Variants in HEMK2 observed in about 807,000 individuals in gnomAD.
HEMK2 encodes methyltransferase HEMK2.
At chr21:28,722,839 G>A in the HEMK2 span, among the ~76,000 whole-genome samples, 10,836 of 152,130 alleles carry the variant, frequency 0.071, 637 homozygotes, top group East Asian at 0.22. Context: ...AGCCAAGGTC[G>A]CGCCATTGCA....
chr21:28,751,215 A>G, the HEMK2 span, among the ~76,000 whole-genome samples: 9 of 131,806 alleles, frequency 6.8e-5, no homozygotes, highest in Non-Finnish European at 1.3e-4. Flanking sequence ...TGGGTGACAG[A>G]GCAACACTCT....
chr21:28,860,272 C>G, the HEMK2 span, among the ~76,000 whole-genome samples: 1 of 152,048 alleles, frequency 6.6e-6, no homozygotes, highest in South Asian at 2.1e-4. Flanking sequence ...AGAGACTGGC[C>G]TAGCCTCCCA....
At chr21:28,798,347 G>A in the HEMK2 span, among the ~76,000 whole-genome samples, 1 of 152,074 alleles carries the variant, frequency 6.6e-6, no homozygotes, top group Non-Finnish European at 1.5e-5. Flanking sequence ...GTGGCCTGGG[G>A]CAATTTAATT....
At chr21:28,781,735 T>C in the HEMK2 span, among the ~76,000 whole-genome samples, 1 of 152,226 alleles carries the variant, frequency 6.6e-6, no homozygotes, top group Non-Finnish European at 1.5e-5. Context: ...CCAGAGTTTA[T>C]ATTGGGAGTC....
At chr21:28,576,761 A>C in the HEMK2 span, among the ~76,000 whole-genome samples, 1 of 152,056 alleles carries the variant, frequency 6.6e-6, no homozygotes, top group South Asian at 2.1e-4. Context: ...CCCAGGCTGG[A>C]GTACAATGGT....
chr21:28,868,666 A>G, the HEMK2 span, among the ~76,000 whole-genome samples: 1 of 152,224 alleles, frequency 6.6e-6, no homozygotes, highest in African/African-American at 2.4e-5. Flanking sequence ...CCTGGGTGAC[A>G]GAGCAAGACC....
the HEMK2 span, among the ~76,000 whole-genome samples, chr21:28,789,741 C>T: frequency 6.6e-6 from 1 of 152,132 alleles, no homozygotes; most frequent in Admixed American, 6.5e-5. Context: ...CTTGCTTCAG[C>T]CTCTAACGGG....
the HEMK2 span, chr21:28,577,508 G>A: frequency 6.6e-6 from 1 of 152,106 alleles, no homozygotes; most frequent in Non-Finnish European, 1.5e-5. Context: ...TTTGCAATAA[G>A]CATTGATATT....
chr21:28,796,026 T>G, the HEMK2 span, among the ~76,000 whole-genome samples: 2 of 152,238 alleles, frequency 1.3e-5, no homozygotes, highest in African/African-American at 4.8e-5. Context: ...CCTCCTGTTT[T>G]CTCTGAAAAC....
the HEMK2 span, among the ~76,000 whole-genome samples, chr21:28,769,608 T>A: frequency 2.6e-5 from 4 of 152,136 alleles, no homozygotes; most frequent in Non-Finnish European, 5.9e-5. Context: ...CCTCTGAATT[T>A]AAGTATTTCC....
At chr21:28,849,086 C>T in the HEMK2 span, among the ~76,000 whole-genome samples, 1 of 152,200 alleles carries the variant, frequency 6.6e-6, no homozygotes, top group African/African-American at 2.4e-5. Flanking sequence ...GCTTTGGCTA[C>T]GACCACCCAT....
At chr21:28,847,142 G>A in the HEMK2 span, among the ~76,000 whole-genome samples, 3 of 151,982 alleles carry the variant, frequency 2.0e-5, no homozygotes, top group Admixed American at 1.3e-4. Context: ...ATTACTTTAG[G>A]TATATAACCA....
chr21:28,810,239 T>C, the HEMK2 span, among the ~76,000 whole-genome samples: 2 of 152,150 alleles, frequency 1.3e-5, no homozygotes, highest in African/African-American at 4.8e-5. Context: ...GTCATTTCCA[T>C]TTGGTCACTC....
the HEMK2 span, among the ~76,000 whole-genome samples, chr21:28,666,032 T>C: frequency 7.9e-4 from 121 of 152,322 alleles, no homozygotes; most frequent in Non-Finnish European, 1.3e-3. Flanking sequence ...ATTAATAAAC[T>C]TCTGTCTTGA....
the HEMK2 span, among the ~76,000 whole-genome samples, chr21:28,677,445 T>A: frequency 3.9e-4 from 59 of 152,346 alleles, no homozygotes; most frequent in Non-Finnish European, 5.6e-4. Flanking sequence ...GAGGCCTGCC[T>A]GGCTCTGTAG....
chr21:28,638,257 C>A, the HEMK2 span, among the ~76,000 whole-genome samples: 1 of 152,150 alleles, frequency 6.6e-6, no homozygotes, highest in Non-Finnish European at 1.5e-5. Flanking sequence ...TCTAACCCAT[C>A]AGGCTTTCTG....
chr21:28,603,416 T>C, the HEMK2 span, among the ~76,000 whole-genome samples: 4 of 152,100 alleles, frequency 2.6e-5, no homozygotes, highest in Non-Finnish European at 5.9e-5. Context: ...CAATATTGCT[T>C]TCCAGGAGGC....
At chr21:28,603,543 A>AGATGTGTGTGTGTGTGTG in the HEMK2 span, among the ~76,000 whole-genome samples, 1 of 101,228 alleles carries the variant, frequency 9.9e-6, no homozygotes, top group African/African-American at 4.0e-5. Context: ...TTTACTGAGG[A>AGATGTGTGTGTGTGTGTG]TATATATGTG....
the HEMK2 span, among the ~76,000 whole-genome samples, chr21:28,790,414 G>T: frequency 1.1e-3 from 175 of 152,250 alleles, 1 homozygote; most frequent in African/African-American, 4.0e-3. Context: ...AGCATCAAGC[G>T]TCTTGCAGAC....
Sources: gnomAD v4.1 joint callset for allele counts (sites outside exome capture counted in the v4.1 genomes callset) on GRCh38, gnomAD v4.1.1 for gene constraint, MANE v1.5 for transcripts, NCBI Gene and HGNC (gene_info 2026-07-23, HGNC 2026-07-21) for gene names.